The following SLC26A7 variants were observed in gnomAD, a reference collection of about 807,000 sequenced individuals.
The protein encoded by SLC26A7 is anion exchange transporter.
A neutral mutation model predicts 82.5 loss-of-function variants in SLC26A7; 59 were observed. That is an observed-to-expected ratio of 0.72 (90% CI 0.58 to 0.89). The LOEUF is 0.89. Among genes scored for constraint, SLC26A7 ranks in the 40% least tolerant of loss-of-function variants. The pLI is 0.00. For missense variants in SLC26A7, 820 were observed against 793.0 expected, an observed-to-expected ratio of 1.03 and a Z score of -0.41; for synonymous variants, 271 against 274.3, an observed-to-expected ratio of 0.99 and a Z score of 0.12.
At chr8:91,356,559 C>T (rs1331275143) in intron 11 of SLC26A7, among the ~76,000 whole-genome samples, 1 of 152,158 alleles carries the variant, frequency 6.6e-6, no homozygotes, top group Non-Finnish European at 1.5e-5. Flanking sequence ...ATCCTTCACC[C>T]ACTTTTTGAT....
At chr8:91,234,785 C>T (rs985766385) in intron 2 of SLC26A7, among the ~76,000 whole-genome samples, 7 of 123,558 alleles carry the variant, frequency 5.7e-5, no homozygotes, top group Admixed American at 1.8e-4. Flanking sequence ...CCTTCCTTCC[C>T]TCCCTCCCTA....
chr8:91,344,085 A>G, intron 9 of SLC26A7: 5 of 985,400 alleles, frequency 5.1e-6, no homozygotes, highest in Non-Finnish European at 6.0e-6. Flanking sequence ...TGATGGTGGT[A>G]GTGGTGGAAA....
At chr8:91,238,093 C>T (rs1810416199) in intron 2 of SLC26A7, among the ~76,000 whole-genome samples, 1 of 152,046 alleles carries the variant, frequency 6.6e-6, no homozygotes, top group South Asian at 2.1e-4. Flanking sequence ...TTGCTTTTAC[C>T]ACTGCTGTAT....
rs1438757489 is a variant in SLC26A7 at position 91,394,024 on chromosome 8, T to C, written c.1920T>C (p.His640=). 6.2e-7 allele frequency: 1 copy of C among 1,613,190 alleles called. No homozygotes were observed. Among genetic ancestry groups the C allele is most frequent in the Non-Finnish European group, 8.5e-7 (1 of 1,179,358 alleles). The part of the protein sequence containing the change: ...FFESVSAAIS[H]IHSNKNLSKL... The stretch of plus-strand genomic sequence containing the variant: ...AATCGGTATCTGCTGCAATAAGTCA[T>C]ATCCATTCAAATAAGGTGAGTTGAT... Residue 640 remains histidine, a synonymous_variant, in exon 18 of 19, where the codon CAT becomes CAC. Transcript: ENST00000276609.
chr8:91,239,439 T>G (rs1424249534), intron 2 of SLC26A7, among the ~76,000 whole-genome samples: 1 of 148,238 alleles, frequency 6.7e-6, no homozygotes, highest in Admixed American at 6.8e-5. Context: ...TATATATGTG[T>G]ATATGTGTAT....
chr8:91,334,568 G>A, intron 6 of SLC26A7, 121 bp downstream of exon 6: 1 of 833,226 alleles, frequency 1.2e-6, no homozygotes, highest in Non-Finnish European at 1.7e-6. Flanking sequence ...TCTCATTAAA[G>A]CAGGGCTAAT....
intron 4 of SLC26A7, among the ~76,000 whole-genome samples, chr8:91,304,394 CTTCT>C (rs1354316185): frequency 2.0e-5 from 3 of 152,132 alleles, no homozygotes; most frequent in Non-Finnish European, 2.9e-5. Context: ...GCACTTCCTC[CTTCT>C]TTCTATCTCT....
chr8:91,312,018 G>A (rs1278037937), intron 4 of SLC26A7, among the ~76,000 whole-genome samples: 2 of 152,068 alleles, frequency 1.3e-5, no homozygotes, highest in Admixed American at 1.3e-4. Flanking sequence ...ATTGTATTGA[G>A]GTCCCAAATT....
At chr8:91,297,503 T>A (rs1812049043) in intron 4 of SLC26A7, among the ~76,000 whole-genome samples, 1 of 152,144 alleles carries the variant, frequency 6.6e-6, no homozygotes, top group African/African-American at 2.4e-5. Context: ...ATAATTTTGT[T>A]TTCATGGCCT....
At chr8:91,280,446 G>A (rs941526565) in intron 2 of SLC26A7, among the ~76,000 whole-genome samples, 1 of 152,114 alleles carries the variant, frequency 6.6e-6, no homozygotes, top group African/African-American at 2.4e-5. Flanking sequence ...CTTCGGAACG[G>A]CACTTTCCAA....
chr8:91,267,231 G>T (rs1488463650), intron 2 of SLC26A7, among the ~76,000 whole-genome samples: 1 of 151,658 alleles, frequency 6.6e-6, no homozygotes, highest in Admixed American at 6.6e-5. Context: ...TTGTTGTTGT[G>T]TCTTTATCTT....
At chr8:91,274,704 T>C (rs182027188) in intron 2 of SLC26A7, among the ~76,000 whole-genome samples, 2 of 152,180 alleles carry the variant, frequency 1.3e-5, no homozygotes, top group East Asian at 3.9e-4. Flanking sequence ...CATAGCAGAG[T>C]TGTTAATTGA....
At position 91,260,720 on chromosome 8, in the gene SLC26A7, C is replaced by G. The variant is rs145897376; in HGVS notation, c.193+10876C>G. Among the ~76,000 whole-genome samples the G allele has an allele frequency of 7.9e-5, 12 of 152,132 alleles. No individual in the cohort carries two copies. The East Asian group carries it at 2.3e-3, about 30-fold the overall frequency. ...GTTTCTATTATTTAAGCTCTTAGGT[C>G]TGTTGGACTTGGGGTTTCTTGATCA... On this transcript the variant is annotated intron_variant, in intron 2 of 18. Transcript: ENST00000276609.
At chr8:91,356,062 C>T (rs1271611707) in intron 11 of SLC26A7, among the ~76,000 whole-genome samples, 1 of 150,132 alleles carries the variant, frequency 6.7e-6, no homozygotes, top group Non-Finnish European at 1.5e-5. Context: ...ATGAACTCAT[C>T]CTTTTTTATG....
chr8:91,257,923 T>C (rs1202474970), intron 2 of SLC26A7, among the ~76,000 whole-genome samples: 1 of 152,058 alleles, frequency 6.6e-6, no homozygotes, highest in Admixed American at 6.6e-5. Context: ...CTCGGGAAAC[T>C]TACAATCATG....
At chr8:91,267,895 T>A (rs1409709311) in intron 2 of SLC26A7, among the ~76,000 whole-genome samples, 1 of 151,878 alleles carries the variant, frequency 6.6e-6, no homozygotes, top group East Asian at 1.9e-4. Context: ...GCTATAAACT[T>A]CTCTCTTAGA....
At chr8:91,352,371 T>A (rs985825067) in intron 10 of SLC26A7, among the ~76,000 whole-genome samples, 4 of 152,130 alleles carry the variant, frequency 2.6e-5, no homozygotes, top group Non-Finnish European at 5.9e-5. Context: ...ACTGGGCTTA[T>A]GAGAGCCAGT....
intron 1 of SLC26A7, among the ~76,000 whole-genome samples, chr8:91,210,583 A>ACACACACC (rs1406274101): frequency 1.4e-5 from 2 of 144,644 alleles, no homozygotes; most frequent in Non-Finnish European, 3.0e-5. Context: ...ACACACACAC[A>ACACACACC]CACACACACA....
intron 8 of SLC26A7, among the ~76,000 whole-genome samples, chr8:91,341,076 C>A (rs543325547): frequency 6.6e-6 from 1 of 151,334 alleles, no homozygotes; most frequent in African/African-American, 2.4e-5. Flanking sequence ...CATGCTGGTG[C>A]GCTACACCCA....
Sources: allele counts gnomAD v4.1 joint callset (sites outside exome capture counted in the v4.1 genomes callset), GRCh38; gene constraint gnomAD v4.1.1; transcripts MANE v1.5; gene names NCBI Gene and HGNC (gene_info 2026-07-23, HGNC 2026-07-21).